The following FHOD3 variants were observed in gnomAD, a reference collection of about 807,000 sequenced individuals.
FHOD3 encodes formin homology 2 domain containing 3, also known as FH1/FH2 domain-containing protein 3.
Under a neutral mutation model 173.0 loss-of-function variants are expected in FHOD3, and 90 were observed. The observed-to-expected ratio is 0.52, with a 90% CI of 0.44 to 0.62. The LOEUF (loss-of-function observed/expected upper bound fraction) is 0.62, where lower values mean the gene tolerates loss of function less well. Among genes scored for constraint, FHOD3 ranks in the 20% least tolerant of loss-of-function variants. FHOD3 has a pLI of 0.00. For synonymous variants in FHOD3, 828 were observed against 823.0 expected, an observed-to-expected ratio of 1.01 and a Z score of -0.10; for missense variants, 1,945 against 2,034.7, an observed-to-expected ratio of 0.96 and a Z score of 0.85.
intron 7 of FHOD3, among the ~76,000 whole-genome samples, chr18:36,600,250 G>GTAA (rs1202543529): frequency 1.9e-4 from 9 of 48,192 alleles, no homozygotes; most frequent in Non-Finnish European, 4.1e-4. Flanking sequence ...CCTCTCCTCT[G>GTAA]CAACACACAC....
chr18:36,700,379 C>CG (rs2149568546), intron 17 of FHOD3, among the ~76,000 whole-genome samples: 2 of 152,300 alleles, frequency 1.3e-5, no homozygotes, highest in African/African-American at 4.8e-5. Context: ...CAGAAACCCC[C>CG]ACCCGAAACC....
chr18:36,661,307 T>C lies in FHOD3; in HGVS notation c.1835+3119T>C, dbSNP rs1397994870. Among the ~76,000 whole-genome samples the C allele has an allele frequency of 2.0e-5, 3 of 152,206 alleles. No individual in the cohort carries two copies. In the East Asian group the frequency reaches 5.8e-4, roughly 29 times the overall value. On this transcript the variant is annotated intron_variant, in intron 14 of 28. Coordinates refer to ENST00000590592, the MANE Select transcript of FHOD3 (RefSeq NM_001281740.3). ...CATAATCTAATTTCACCTATGCAAG[T>C]ATTTTTTGCCCATTAAGATGTGTGA...
intron 3 of FHOD3, among the ~76,000 whole-genome samples, chr18:36,472,257 C>A (rs1330570519): frequency 6.6e-6 from 1 of 152,120 alleles, no homozygotes; most frequent in African/African-American, 2.4e-5. Context: ...TGTGAGGAAG[C>A]CTGTTAGGGT....
At chr18:36,561,252 C>G (rs1435057205) in intron 5 of FHOD3, among the ~76,000 whole-genome samples, 1 of 152,176 alleles carries the variant, frequency 6.6e-6, no homozygotes, top group African/African-American at 2.4e-5. Flanking sequence ...CAATTCTGTT[C>G]TAATGAACAC....
At chr18:36,482,444 T>C (rs2053950285) in intron 3 of FHOD3, among the ~76,000 whole-genome samples, 1 of 122,490 alleles carries the variant, frequency 8.2e-6, no homozygotes, top group African/African-American at 2.8e-5. Context: ...GGGTGACCAC[T>C]GCGTGACCCC....
chr18:36,549,532 C>CTTTTTTTTTTTTTTT (rs386387404), intron 5 of FHOD3, among the ~76,000 whole-genome samples: 3 of 71,234 alleles, frequency 4.2e-5, no homozygotes, highest in African/African-American at 5.7e-5. Context: ...TCTAAGAAAT[C>CTTTTTTTTTTTTTTT]TTTTTTTTTT....
chr18:36,593,258 AT>A (rs2059288525), intron 6 of FHOD3, among the ~76,000 whole-genome samples: 1 of 152,154 alleles, frequency 6.6e-6, no homozygotes, highest in Non-Finnish European at 1.5e-5. Flanking sequence ...GTCCTATCAT[AT>A]TGGGGTGATG....
intron 3 of FHOD3, among the ~76,000 whole-genome samples, chr18:36,408,619 C>T (rs996432751): frequency 1.3e-5 from 2 of 152,078 alleles, no homozygotes; most frequent in African/African-American, 2.4e-5. Flanking sequence ...TTGGCTCATA[C>T]CCAGGACATA....
intron 3 of FHOD3, among the ~76,000 whole-genome samples, chr18:36,492,803 A>C (rs145934318): frequency 2.6e-5 from 4 of 152,188 alleles, no homozygotes; most frequent in African/African-American, 9.7e-5. Context: ...AAAAGGGATG[A>C]GTCAGACTTC....
intron 3 of FHOD3, among the ~76,000 whole-genome samples, chr18:36,381,436 G>A (rs2047782383): frequency 6.6e-6 from 1 of 152,294 alleles, no homozygotes; most frequent in African/African-American, 2.4e-5. Context: ...CTGGTTTTAC[G>A]TTGGGAAGTC....
Position 36,462,287 on chromosome 18 carries a change from TCG to T in FHOD3, c.338-39644_338-39643del, listed in dbSNP as rs1491205179. 1.9e-3 allele frequency among the ~76,000 whole-genome samples: 288 copies of T among 149,010 alleles called. 3 individuals are homozygous for T. Among genetic ancestry groups the T allele is most frequent in the African/African-American group, 6.6e-3 (271 of 40,950 alleles). On this transcript the variant is annotated intron_variant, in intron 3 of 28. Transcript: ENST00000590592. Reference sequence around the variant, plus strand: ...CTCCAGCTACCTTCCTTCAGTTCTCTCGTGTGTGTGTGTGTGTGTGTTTGTTT... The same window carrying T: ...CTCCAGCTACCTTCCTTCAGTTCTCTTGTGTGTGTGTGTGTGTGTTTGTTT...
intron 5 of FHOD3, among the ~76,000 whole-genome samples, chr18:36,572,369 C>T (rs2058482636): frequency 6.6e-6 from 1 of 152,064 alleles, no homozygotes; most frequent in Non-Finnish European, 1.5e-5. Context: ...CTCAGGCCCA[C>T]GTTTGAGGTT....
At chr18:36,558,621 C>T (rs1229593658) in intron 5 of FHOD3, among the ~76,000 whole-genome samples, 1 of 152,006 alleles carries the variant, frequency 6.6e-6, no homozygotes, top group Non-Finnish European at 1.5e-5. Context: ...ACATTCTGTA[C>T]AGCATTATTT....
In FHOD3 at chr18:36,755,397, CTTTTTTTTTTTTTTT is replaced by C. The variant is rs200164880; in HGVS notation, c.4425+100_4425+114del. ...ATCCTCCCCACAGTTAAAAGCTGTG[CTTTTTTTTTTTTTTT>C]TTTTTTTTTTTTTGACTATAAAAAA... On this transcript the variant is annotated intron_variant, in intron 25 of 28. Coordinates refer to ENST00000590592, the MANE Select transcript of FHOD3 (RefSeq NM_001281740.3). 126 of 212,550 alleles carry C rather than the reference CTTTTTTTTTTTTTTT, an allele frequency of 5.9e-4. 2 individuals are homozygous for C. Among genetic ancestry groups the C allele is most frequent in the South Asian group, 3.5e-4 (2 of 5,638 alleles). The allele number at this position is 212,550 out of a possible 1,614,324, so 13.2% of individuals were successfully genotyped here.
At chr18:36,440,929 A>G (rs975920948) in intron 3 of FHOD3, among the ~76,000 whole-genome samples, 1 of 151,620 alleles carries the variant, frequency 6.6e-6, no homozygotes, top group Non-Finnish European at 1.5e-5. Context: ...TCCACCCGCC[A>G]CCCTCCTGCC....
At chr18:36,551,360 G>A (rs1347793489) in intron 5 of FHOD3, among the ~76,000 whole-genome samples, 1 of 151,966 alleles carries the variant, frequency 6.6e-6, no homozygotes, top group Non-Finnish European at 1.5e-5. Context: ...TGATTTTGTT[G>A]TGGCAATGCT....
chr18:36,429,976 C>A lies in FHOD3; in HGVS notation c.337+57232C>A, dbSNP rs547652297. ...GCAAGCTCACTGATGGGAATGGGTG[C>A]CTGTTACCTCATGTGGGCACCAAAC... On this transcript the variant is annotated intron_variant, in intron 3 of 28. Coordinates refer to ENST00000590592, the MANE Select transcript of FHOD3 (RefSeq NM_001281740.3). 1.3e-3 allele frequency among the ~76,000 whole-genome samples: 199 copies of A among 152,252 alleles called. 2 individuals carry two copies. The highest frequency in any genetic ancestry group is 4.5e-3 in the African/African-American group (189 of 41,554).
chr18:36,507,532 T>C (rs921996264), intron 4 of FHOD3, among the ~76,000 whole-genome samples: 1 of 152,216 alleles, frequency 6.6e-6, no homozygotes, highest in Admixed American at 6.5e-5. Context: ...AGTACGGTAG[T>C]CTGTGAGCTC....
At chr18:36,692,993 C>T (rs2039052038) in intron 16 of FHOD3, 6 of 588,578 alleles carry the variant, frequency 1.0e-5, no homozygotes, top group South Asian at 6.1e-5. Flanking sequence ...GCTGCCATTT[C>T]CCCCAATTTG....
Sources: gnomAD v4.1 joint callset for allele counts (sites outside exome capture counted in the v4.1 genomes callset) on GRCh38, gnomAD v4.1.1 for gene constraint, MANE v1.5 for transcripts, NCBI Gene and HGNC (gene_info 2026-07-23, HGNC 2026-07-21) for gene names.